Variants in PRKX observed in about 807,000 individuals in gnomAD.
The protein encoded by PRKX is cAMP-dependent protein kinase catalytic subunit PRKX.
PRKX carries 12 observed loss-of-function variants against 22.0 expected under a neutral mutation model. That is an observed-to-expected ratio of 0.54 (90% CI 0.35 to 0.88). The LOEUF (loss-of-function observed/expected upper bound fraction) is 0.88. Among genes scored for constraint, PRKX ranks in the 40% least tolerant of loss-of-function variants. The pLI, the probability that PRKX is intolerant of heterozygous loss-of-function variation, is 0.01. For synonymous variants in PRKX, 134 were observed against 137.7 expected, an observed-to-expected ratio of 0.97 and a Z score of 0.19; for missense variants, 217 against 308.0, an observed-to-expected ratio of 0.70 and a Z score of 2.21.
chrX:3,629,549 C>T (rs767627475), intron 4 of PRKX, among the ~76,000 whole-genome samples: 1 of 111,018 alleles, frequency 9.0e-6, no homozygotes, highest in South Asian at 3.8e-4. Flanking sequence ...TGAGCCACCA[C>T]ACCCATTACT....
At chrX:3,609,524 G>A (rs184928997) in intron 8 of PRKX, among the ~76,000 whole-genome samples, 357 of 111,049 alleles carry the variant, frequency 3.2e-3, no homozygotes, top group Non-Finnish European at 5.5e-3. Flanking sequence ...GCACAATCAC[G>A]GCTCACTGCA....
chrX:3,712,043 A>G (rs1338562065), intron 1 of PRKX, among the ~76,000 whole-genome samples: 2 of 111,685 alleles, frequency 1.8e-5, no homozygotes, highest in Non-Finnish European at 3.8e-5. Flanking sequence ...CCTCTTCCTC[A>G]GCGGTTCTAA....
chrX:3,677,701 T>C (rs749611063), intron 1 of PRKX, among the ~76,000 whole-genome samples: 26 of 111,670 alleles, frequency 2.3e-4, no homozygotes, highest in African/African-American at 8.4e-4. Context: ...TCTAAGCTAA[T>C]GAATGATGAA....
intron 4 of PRKX, among the ~76,000 whole-genome samples, chrX:3,629,939 C>A (rs1053603267): frequency 1.8e-5 from 2 of 111,815 alleles, no homozygotes; most frequent in African/African-American, 6.5e-5. Context: ...AAGCTCTTTG[C>A]CCCAAGAAAA....
chrX:3,689,705 C>A (rs10871866), intron 1 of PRKX, among the ~76,000 whole-genome samples: 5 of 110,576 alleles, frequency 4.5e-5, no homozygotes, highest in Admixed American at 1.9e-4. Context: ...GGGCTGGGCG[C>A]GGTGGCTCAC....
intron 1 of PRKX, among the ~76,000 whole-genome samples, chrX:3,700,667 C>T (rs756745793): frequency 3.6e-5 from 4 of 111,279 alleles, no homozygotes; most frequent in Non-Finnish European, 7.5e-5. Flanking sequence ...CGACCTCGAC[C>T]TCTTGGGCTC....
rs1259721987 is a variant in PRKX, at chrX:3,612,141, CT to C, written c.*23+35del. 99 of 1,156,972 alleles carry C rather than the reference CT, an allele frequency of 8.6e-5. No homozygotes were observed. The Admixed American group carries it at 2.3e-3, about 27-fold the overall frequency. On this transcript the variant is annotated intron_variant, in intron 8 of 8. Transcript: ENST00000262848. ...CACCTGGATGTGGGGTCGAGTCAGT[CT>C]CATTTTTTGGGAATTACTAAATATA...
At chrX:3,672,967 CAAG>C (rs1927877348) in intron 2 of PRKX, among the ~76,000 whole-genome samples, 1 of 110,927 alleles carries the variant, frequency 9.0e-6, no homozygotes, top group Non-Finnish European at 1.9e-5. Context: ...CCAGCCTGGG[CAAG>C]AAGGAGTGAG....
intron 6 of PRKX, among the ~76,000 whole-genome samples, chrX:3,620,710 G>C (rs1439169128): frequency 8.9e-6 from 1 of 112,305 alleles, no homozygotes; most frequent in Non-Finnish European, 1.9e-5. Flanking sequence ...ACTGGCCCCT[G>C]GTGCCAAAAA....
At chrX:3,647,427 T>G (rs979739996) in intron 3 of PRKX, among the ~76,000 whole-genome samples, 7 of 105,762 alleles carry the variant, frequency 6.6e-5, no homozygotes, top group African/African-American at 2.3e-4. Context: ...ATAATTATGT[T>G]TAACTAAAAA....
chrX:3,624,837 C>T (rs1471159118), intron 5 of PRKX, among the ~76,000 whole-genome samples: 1 of 110,297 alleles, frequency 9.1e-6, no homozygotes. Flanking sequence ...CCAGGCTGGC[C>T]TCAAACTATT....
At chrX:3,652,048 G>T (rs961839340) in intron 3 of PRKX, among the ~76,000 whole-genome samples, 1 of 111,141 alleles carries the variant, frequency 9.0e-6, no homozygotes, top group African/African-American at 3.3e-5. Context: ...AAGCTATGAG[G>T]ACGCTGAGGC....
chrX:3,617,333 TGTGTGTGTTATATAAA>T (rs1187323540), intron 6 of PRKX, among the ~76,000 whole-genome samples: 1 of 110,652 alleles, frequency 9.0e-6, no homozygotes, highest in Non-Finnish European at 1.9e-5. Flanking sequence ...CAAACTAGTG[TGTGTGTGTTATATAAA>T]GTGTGTGTGA....
At chrX:3,613,692 C>A (rs1374857181) in intron 7 of PRKX, among the ~76,000 whole-genome samples, 2 of 104,933 alleles carry the variant, frequency 1.9e-5, no homozygotes, top group Non-Finnish European at 3.9e-5. Flanking sequence ...TAAAAACACA[C>A]AAAAAAATTA....
At chrX:3,648,606 C>CTGTGTGTGTGTGTG (rs58698248) in intron 3 of PRKX, among the ~76,000 whole-genome samples, 113 of 72,229 alleles carry the variant, frequency 1.6e-3, no homozygotes, top group Admixed American at 1.8e-3. Context: ...CTCTCTACTC[C>CTGTGTGTGTGTGTG]TGTGTGTGTG....
At chrX:3,652,181 T>G (rs1167137232) in intron 3 of PRKX, among the ~76,000 whole-genome samples, 5 of 110,433 alleles carry the variant, frequency 4.5e-5, no homozygotes, top group East Asian at 5.7e-4. Flanking sequence ...CACTTTGGGA[T>G]GCCAAGGTGG....
chrX:3,643,102 C>G (rs1927116734), intron 3 of PRKX, among the ~76,000 whole-genome samples: 1 of 64,507 alleles, frequency 1.6e-5, no homozygotes, highest in Non-Finnish European at 2.6e-5. Flanking sequence ...TTCTCTTTGG[C>G]TCTTTACACC....
chrX:3,605,532 A>G lies in PRKX; in HGVS notation c.*3437T>C, dbSNP rs1407623852. On this transcript the variant is annotated 3_prime_UTR_variant, in exon 9 of 9. Coordinates refer to ENST00000262848, the MANE Select transcript of PRKX (RefSeq NM_005044.5). ...CACAGTTACAATGGTCCAAAGAATTAGAGGCCATGTAGGTCAAACACAGAA... is the reference window on the plus strand; with the variant it reads ...CACAGTTACAATGGTCCAAAGAATTGGAGGCCATGTAGGTCAAACACAGAA... 8.8e-6 allele frequency: 1 copy of G among 113,101 alleles called. No homozygotes were observed. The highest frequency in any genetic ancestry group is 3.2e-5 in the African/African-American group (1 of 31,036). 9.3% of individuals were successfully genotyped at this position (113,101 alleles called of 1,213,427 possible). A position where few individuals can be genotyped will look rare whatever the true frequency, so the allele number is the denominator to read the frequency against.
intron 1 of PRKX, among the ~76,000 whole-genome samples, chrX:3,694,970 G>C (rs1928416596): frequency 8.9e-6 from 1 of 112,021 alleles, no homozygotes; most frequent in African/African-American, 3.2e-5. Flanking sequence ...CTGGTGTCCA[G>C]GCCTGGGAGA....
Sources: gnomAD v4.1 joint callset for allele counts (sites outside exome capture counted in the v4.1 genomes callset) on GRCh38, gnomAD v4.1.1 for gene constraint, MANE v1.5 for transcripts, NCBI Gene and HGNC (gene_info 2026-07-23, HGNC 2026-07-21) for gene names.